The following PCBP3 variants were observed in gnomAD, a reference collection of about 807,000 sequenced individuals.
PCBP3 encodes the protein poly(rC)-binding protein 3.
In PCBP3, 25 loss-of-function variants were observed where a neutral mutation model predicts 52.7. The ratio of observed to expected loss-of-function variants is 0.47; its 90% CI spans 0.35 to 0.66. The LOEUF (loss-of-function observed/expected upper bound fraction) is 0.66, where lower values mean the gene tolerates loss of function less well. Ranked by LOEUF, PCBP3 falls within the 30% of genes least tolerant of loss-of-function variation. The probability of loss-of-function intolerance (pLI) is 0.01; values close to 1 mark genes in which losing one functional copy is unlikely to be tolerated. For missense variants in PCBP3, 391 were observed against 490.3 expected (o/e 0.80, Z 1.91); for synonymous variants, 162 against 183.0 (o/e 0.89, Z 0.93).
chr21:45,725,746 C>T (rs903053239), intron 2 of PCBP3, among the ~76,000 whole-genome samples: 5 of 151,992 alleles, frequency 3.3e-5, no homozygotes, highest in African/African-American at 1.2e-4. Context: ...TGAGGGGCTG[C>T]CTGGAGGGTG....
At position 45,859,979 on chromosome 21, in the gene PCBP3, C is replaced by T. The variant is rs942521920; in HGVS notation, c.10+9884C>T. Among the ~76,000 whole-genome samples the T allele has an allele frequency of 2.0e-5, 3 of 152,232 alleles. No homozygotes were observed. The East Asian group carries it at 5.8e-4, about 29-fold the overall frequency. The stretch of plus-strand genomic sequence containing the variant: ...GGATGGGCCTCAGGGACCAGCCAGC[C>T]CAGGGATGGCCGGTGCCCCCACCCT... On this transcript the variant is annotated intron_variant, in intron 5 of 17. Transcript: ENST00000681687.
At chr21:45,773,081 A>T (rs1315624142) in intron 4 of PCBP3, among the ~76,000 whole-genome samples, 1 of 152,040 alleles carries the variant, frequency 6.6e-6, no homozygotes, top group Non-Finnish European at 1.5e-5. Flanking sequence ...TTTTAATTTA[A>T]TATAGTTCCA....
intron 15 of PCBP3, among the ~76,000 whole-genome samples, chr21:45,934,040 C>T (rs1160262899): frequency 6.6e-6 from 1 of 152,092 alleles, no homozygotes; most frequent in East Asian, 1.9e-4. Flanking sequence ...TTGGGGACCC[C>T]TCTGGTCTGT....
chr21:45,689,582 A>G (rs1326932145), intron 2 of PCBP3, among the ~76,000 whole-genome samples: 4 of 152,120 alleles, frequency 2.6e-5, no homozygotes, highest in African/African-American at 9.6e-5. Flanking sequence ...GTCCTAGACA[A>G]TAAAGTGGGA....
At chr21:45,879,759 A>T (rs1435196582) in intron 5 of PCBP3, among the ~76,000 whole-genome samples, 1 of 152,096 alleles carries the variant, frequency 6.6e-6, no homozygotes, top group African/African-American at 2.4e-5. Context: ...AAATACTTTG[A>T]AGTAAGAGAA....
intron 2 of PCBP3, among the ~76,000 whole-genome samples, chr21:45,695,054 G>A (rs1229378531): frequency 2.0e-5 from 3 of 152,186 alleles, no homozygotes; most frequent in Non-Finnish European, 4.4e-5. Flanking sequence ...CCATTATGAG[G>A]ATATACTATC....
chr21:45,696,083 A>G (rs2082754482), intron 2 of PCBP3, among the ~76,000 whole-genome samples: 1 of 148,416 alleles, frequency 6.7e-6, no homozygotes, highest in African/African-American at 2.5e-5. Flanking sequence ...CTGTCTCAAA[A>G]AAAAAAAAAA....
intron 3 of PCBP3, among the ~76,000 whole-genome samples, chr21:45,738,376 T>A (rs2086054021): frequency 1.3e-5 from 2 of 150,404 alleles, no homozygotes; most frequent in South Asian, 4.3e-4. Flanking sequence ...TACCTCAGCC[T>A]CCTGAGTAGC....
intron 2 of PCBP3, among the ~76,000 whole-genome samples, chr21:45,727,290 C>A (rs150421111): frequency 5.3e-5 from 8 of 152,220 alleles, no homozygotes; most frequent in Non-Finnish European, 8.8e-5. Context: ...AAAAGATTAT[C>A]TGTTCCTCAT....
At chr21:45,815,802 A>AGTG (rs1317311822) in intron 4 of PCBP3, among the ~76,000 whole-genome samples, 1 of 24,220 alleles carries the variant, frequency 4.1e-5, no homozygotes, top group East Asian at 1.6e-3. Flanking sequence ...GTGAGTGATG[A>AGTG]GTGAGTGGTG....
chr21:45,793,164 C>G (rs1039131761), intron 4 of PCBP3, among the ~76,000 whole-genome samples: 1 of 152,146 alleles, frequency 6.6e-6, no homozygotes, highest in Non-Finnish European at 1.5e-5. Flanking sequence ...GACGGAGACT[C>G]GGTCAGACAC....
In PCBP3 at chr21:45,800,152, A is replaced by G. The variant is rs1055100624; in HGVS notation, c.-126+44700A>G. Among the ~76,000 whole-genome samples the G allele has an allele frequency of 4.6e-5, 7 of 152,036 alleles. No individual in the cohort carries two copies. Among genetic ancestry groups the G allele is most frequent in the African/African-American group, 1.4e-4 (6 of 41,400 alleles). ...GAGGAGGCTGCAGGAGCACAGAGTAATGGCTGCAGGTGGGGCCTTCCAGAG... is the reference window on the plus strand; with the variant it reads ...GAGGAGGCTGCAGGAGCACAGAGTAGTGGCTGCAGGTGGGGCCTTCCAGAG... On this transcript the variant is annotated intron_variant, in intron 4 of 17. Coordinates refer to ENST00000681687, the MANE Select transcript of PCBP3 (RefSeq NM_001384156.1). This position sits in a 1 kb window ranked among gnomAD's most constrained non-coding sequence, Gnocchi z 5.3.
chr21:45,768,774 G>A (rs1454114002), intron 4 of PCBP3, among the ~76,000 whole-genome samples: 3 of 152,290 alleles, frequency 2.0e-5, no homozygotes, highest in African/African-American at 7.2e-5. Flanking sequence ...TTCCCAGGGC[G>A]CCATCTGCAG....
Position 45,659,337 on chromosome 21 carries a change from C to CTTT in PCBP3, c.-278-9516_-278-9514dup, listed in dbSNP as rs36113182. 5.8e-3 allele frequency among the ~76,000 whole-genome samples: 459 copies of CTTT among 78,680 alleles called. 3 individuals carry two copies. Among genetic ancestry groups the CTTT allele is most frequent in the Non-Finnish European group, 6.6e-3 (266 of 40,498 alleles). 51.6% of individuals were successfully genotyped at this position (78,680 alleles called of 152,430 possible). On this transcript the variant is annotated intron_variant, in intron 1 of 17. Transcript: ENST00000681687. Reference sequence around the variant, plus strand: ...ATATGTTGTGCTTTCTTTTACTTTCCTTTTTTTTTTTTTTTTTTTTTTTGA... The same window carrying CTTT: ...ATATGTTGTGCTTTCTTTTACTTTCCTTTTTTTTTTTTTTTTTTTTTTTTTTGA...
intron 4 of PCBP3, among the ~76,000 whole-genome samples, chr21:45,785,947 G>C (rs2146235963): frequency 6.7e-6 from 1 of 150,192 alleles, no homozygotes; most frequent in Non-Finnish European, 1.5e-5. Context: ...TGCTCGTTAA[G>C]AGTCATCACC....
At chr21:45,768,414 G>C (rs1569201459) in intron 4 of PCBP3, among the ~76,000 whole-genome samples, 1 of 152,196 alleles carries the variant, frequency 6.6e-6, no homozygotes, top group African/African-American at 2.4e-5. Flanking sequence ...GGAAATCACT[G>C]GCAGAATTCT....
chr21:45,679,799 CT>C (rs2081721217), intron 2 of PCBP3, among the ~76,000 whole-genome samples: 1 of 152,106 alleles, frequency 6.6e-6, no homozygotes, highest in African/African-American at 2.4e-5. Flanking sequence ...ACAAAGATTC[CT>C]TCTATTCTGT....
intron 2 of PCBP3, among the ~76,000 whole-genome samples, chr21:45,725,101 G>A (rs2148379417): frequency 6.6e-6 from 1 of 152,180 alleles, no homozygotes; most frequent in East Asian, 1.9e-4. Context: ...TTCTGTCGTG[G>A]CTGTGTGATT....
At chr21:45,857,156 G>A (rs1312865528) in intron 5 of PCBP3, among the ~76,000 whole-genome samples, 1 of 152,226 alleles carries the variant, frequency 6.6e-6, no homozygotes, top group Non-Finnish European at 1.5e-5. Flanking sequence ...TGTTAATAGA[G>A]ATTCTTTACA....
Sources: allele counts gnomAD v4.1 joint callset (sites outside exome capture counted in the v4.1 genomes callset), GRCh38; gene constraint gnomAD v4.1.1; non-coding constraint Gnocchi (gnomAD v3.1); transcripts MANE v1.5; gene names NCBI Gene and HGNC (gene_info 2026-07-23, HGNC 2026-07-21).